MAPRE2: variants seen among roughly 807,000 people sequenced by gnomAD.
MAPRE2 encodes the protein microtubule-associated protein RP/EB family member 2.
MAPRE2 carries 13 observed loss-of-function variants against 43.2 expected under a neutral mutation model. The ratio of observed to expected loss-of-function variants is 0.30; its 90% confidence interval spans 0.20 to 0.48. MAPRE2 has a LOEUF of 0.48. Ranked by LOEUF, MAPRE2 falls within the 20% of genes least tolerant of loss-of-function variation. The probability of loss-of-function intolerance (pLI) is 0.99; values close to 1 mark genes in which losing one functional copy is unlikely to be tolerated. For missense variants in MAPRE2, 161 were observed against 400.2 expected, an observed-to-expected ratio of 0.40 and a Z score of 5.10; for synonymous variants, 135 against 148.8, an observed-to-expected ratio of 0.91 and a Z score of 0.68.
At chr18:35,050,624 A>G (rs559343591) in intron 1 of MAPRE2, among the ~76,000 whole-genome samples, 35 of 152,088 alleles carry the variant, frequency 2.3e-4, no homozygotes, top group Non-Finnish European at 4.1e-4. Context: ...TTTTCTTCTC[A>G]TTTATCAAGC....
intron 1 of MAPRE2, among the ~76,000 whole-genome samples, chr18:34,994,995 T>C (rs573797859): frequency 6.6e-6 from 1 of 151,976 alleles, no homozygotes; most frequent in East Asian, 1.9e-4. Flanking sequence ...TATACCAGTA[T>C]GTTAACCTCT....
At chr18:34,978,381 G>A in intron 1 of MAPRE2, 1 of 823,778 alleles carries the variant, frequency 1.2e-6, no homozygotes, top group Admixed American at 2.1e-5. Context: ...ATCGACCCTG[G>A]GGCCGCGCTG....
At chr18:34,985,548 T>C (rs1410225987) in intron 1 of MAPRE2, among the ~76,000 whole-genome samples, 3 of 62,050 alleles carry the variant, frequency 4.8e-5, no homozygotes, top group Admixed American at 3.0e-4. Flanking sequence ...ATATAATATA[T>C]ATATTATATA....
intron 2 of MAPRE2, among the ~76,000 whole-genome samples, chr18:35,006,516 T>C (rs1438006621): frequency 6.6e-6 from 1 of 152,334 alleles, no homozygotes; most frequent in East Asian, 1.9e-4. Flanking sequence ...TTGTAATAAA[T>C]GCTATGACTG....
intron 1 of MAPRE2, among the ~76,000 whole-genome samples, chr18:35,000,387 A>G (rs539037891): frequency 6.6e-6 from 1 of 152,346 alleles, no homozygotes; most frequent in African/African-American, 2.4e-5. Flanking sequence ...ATGATTTGAA[A>G]TATTTTTACA....
chr18:35,052,994 A>C (rs1906023628), intron 1 of MAPRE2, among the ~76,000 whole-genome samples: 1 of 129,460 alleles, frequency 7.7e-6, no homozygotes, highest in Non-Finnish European at 1.7e-5. Context: ...CTTAACTTGA[A>C]TATAAAGTCC....
chr18:35,009,564 A>G (rs1277906400), intron 2 of MAPRE2, among the ~76,000 whole-genome samples: 2 of 152,172 alleles, frequency 1.3e-5, no homozygotes, highest in East Asian at 3.8e-4. Context: ...CTGTGGGAAC[A>G]TCTGCTTCTG....
chr18:35,102,309 C>A, intron 4 of MAPRE2, 150 bp downstream of exon 4: 1 of 578,784 alleles, frequency 1.7e-6, no homozygotes, highest in Non-Finnish European at 2.9e-6. Flanking sequence ...TGTTTCACCA[C>A]ATTTATCTTC....
intron 4 of MAPRE2, among the ~76,000 whole-genome samples, chr18:35,103,202 C>T (rs904599295): frequency 6.6e-5 from 10 of 151,926 alleles, no homozygotes; most frequent in Non-Finnish European, 1.3e-4. Flanking sequence ...AACATGAATA[C>T]TCATACTCAC....
chr18:34,984,829 TATA>T lies in MAPRE2; in HGVS notation c.-70+7754_-70+7756del, dbSNP rs1190503055. On this transcript the variant is annotated intron_variant, in intron 1 of 7. Transcript: ENST00000413393. Reference sequence around the variant, plus strand: ...TTATATAATACTAAAAATATAAATATATAATATTTTATATGTTATATAACATAT... The same window carrying T: ...TTATATAATACTAAAAATATAAATATATATTTTATATGTTATATAACATAT... Among the ~76,000 whole-genome samples the T allele has an allele frequency of 5.5e-5, 7 of 127,424 alleles. 1 individual carries two copies. The highest frequency in any genetic ancestry group is 2.1e-4 in the East Asian group (1 of 4,654). 83.6% of individuals were successfully genotyped at this position (127,424 alleles called of 152,430 possible). A position where few individuals can be genotyped will look rare whatever the true frequency, so the allele number is the denominator to read the frequency against.
At chr18:35,099,697 T>C (rs2144174343) in intron 3 of MAPRE2, among the ~76,000 whole-genome samples, 1 of 152,230 alleles carries the variant, frequency 6.6e-6, no homozygotes, top group South Asian at 2.1e-4. Flanking sequence ...TTCACTGAAG[T>C]TTGGGGGAAG....
At chr18:35,033,303 A>C (rs1414026394) in intron 2 of MAPRE2, among the ~76,000 whole-genome samples, 2 of 152,050 alleles carry the variant, frequency 1.3e-5, no homozygotes, top group Non-Finnish European at 2.9e-5. Flanking sequence ...CCTTTGACAA[A>C]ATTCAACAAC....
upstream of MAPRE2, among the ~76,000 whole-genome samples, chr18:35,039,056 C>CTA (rs996045583): frequency 3.9e-5 from 6 of 152,200 alleles, no homozygotes; most frequent in African/African-American, 1.4e-4. Flanking sequence ...GATCAATGAA[C>CTA]TATGCATTCA....
intron 2 of MAPRE2, among the ~76,000 whole-genome samples, chr18:35,071,834 C>T (rs566572860): frequency 2.0e-5 from 3 of 152,160 alleles, no homozygotes; most frequent in East Asian, 1.9e-4. Context: ...ATTTTTCCCA[C>T]GAGGAAGACA....
At chr18:35,136,983 A>G (rs771549671) in intron 6 of MAPRE2, among the ~76,000 whole-genome samples, 1 of 152,202 alleles carries the variant, frequency 6.6e-6, no homozygotes, top group African/African-American at 2.4e-5. Flanking sequence ...CTGGCCTCCT[A>G]CTTAGACATG....
chr18:35,059,396 A>G (rs186349644), intron 1 of MAPRE2, among the ~76,000 whole-genome samples: 3 of 151,910 alleles, frequency 2.0e-5, no homozygotes, highest in Admixed American at 2.0e-4. Context: ...GCCATCTCAC[A>G]TAGCACTAGG....
intron 1 of MAPRE2, among the ~76,000 whole-genome samples, chr18:34,988,361 A>T (rs1568963290): frequency 6.6e-6 from 1 of 152,230 alleles, no homozygotes; most frequent in Non-Finnish European, 1.5e-5. Flanking sequence ...AATTGGAGCA[A>T]GAATGCCAAG....
At chr18:35,132,359 A>T (rs999295847) in intron 6 of MAPRE2, among the ~76,000 whole-genome samples, 169 bp downstream of exon 6, 1 of 152,236 alleles carries the variant, frequency 6.6e-6, no homozygotes, top group Non-Finnish European at 1.5e-5. Flanking sequence ...ATCATGATCT[A>T]TTGACCCATG....
chr18:35,046,228 C>T (rs952059095), intron 1 of MAPRE2, among the ~76,000 whole-genome samples: 1 of 152,152 alleles, frequency 6.6e-6, no homozygotes, highest in African/African-American at 2.4e-5. Context: ...CTGCTCTGGC[C>T]AAGGTCTGTG....
Sources: allele counts gnomAD v4.1 joint callset (sites outside exome capture counted in the v4.1 genomes callset), GRCh38; gene constraint gnomAD v4.1.1; transcripts MANE v1.5; gene names NCBI Gene and HGNC (gene_info 2026-07-23, HGNC 2026-07-21).